Variants in SMIM10L3 observed in about 807,000 individuals in gnomAD.
SMIM10L3 encodes the protein small integral membrane protein 10 like 3.
At chr7:6,348,783 C>T in the SMIM10L3 span, 2 of 397,388 alleles carry the variant, frequency 5.0e-6, no homozygotes, top group Admixed American at 4.4e-5. Flanking sequence ...TCCCACAGCC[C>T]CCCCGCCCGC....
the SMIM10L3 span, among the ~76,000 whole-genome samples, chr7:6,343,291 C>A: frequency 6.7e-6 from 1 of 150,202 alleles, no homozygotes; most frequent in African/African-American, 2.4e-5. Flanking sequence ...GCAGGAGAAT[C>A]GCTTGAACCT....
At chr7:6,339,772 T>C in the SMIM10L3 span, among the ~76,000 whole-genome samples, 2 of 150,356 alleles carry the variant, frequency 1.3e-5, no homozygotes, top group African/African-American at 4.9e-5. Context: ...TGCCCAGCCG[T>C]ACCCCTCTCT....
the SMIM10L3 span, among the ~76,000 whole-genome samples, chr7:6,335,540 T>C: frequency 7.0e-6 from 1 of 142,954 alleles, no homozygotes; most frequent in African/African-American, 2.7e-5. Flanking sequence ...GCCGTTAATA[T>C]GTGAGAAAAT....
At chr7:6,333,477 G>A in the SMIM10L3 span, among the ~76,000 whole-genome samples, 1 of 152,066 alleles carries the variant, frequency 6.6e-6, no homozygotes, top group Non-Finnish European at 1.5e-5. Flanking sequence ...TCATAAGGAG[G>A]GACAGACTAA....
chr7:6,335,869 T>C, the SMIM10L3 span, among the ~76,000 whole-genome samples: 6 of 151,534 alleles, frequency 4.0e-5, no homozygotes, highest in African/African-American at 1.5e-4. Context: ...ACCCTGTCTC[T>C]ACAAAAAAAT....
At chr7:6,337,337 G>C in the SMIM10L3 span, among the ~76,000 whole-genome samples, 5 of 151,990 alleles carry the variant, frequency 3.3e-5, no homozygotes, top group African/African-American at 1.2e-4. Flanking sequence ...GGCCAGGCTG[G>C]TCTCTAACTC....
chr7:6,341,459 AATT>A, the SMIM10L3 span, among the ~76,000 whole-genome samples: 13 of 142,438 alleles, frequency 9.1e-5, no homozygotes, highest in African/African-American at 2.9e-4. Context: ...TAATAATAAT[AATT>A]ATTATTATTA....
At chr7:6,336,682 CAAAA>C in the SMIM10L3 span, among the ~76,000 whole-genome samples, 2 of 122,946 alleles carry the variant, frequency 1.6e-5, no homozygotes, top group Non-Finnish European at 1.8e-5. Flanking sequence ...AGACTTTGTC[CAAAA>C]AAAAAAAAAA....
chr7:6,333,580 C>G, the SMIM10L3 span, among the ~76,000 whole-genome samples: 3 of 151,776 alleles, frequency 2.0e-5, no homozygotes, highest in African/African-American at 7.3e-5. Context: ...CTCACTGCAG[C>G]CTGTAACTTC....
chr7:6,337,716 T>C, the SMIM10L3 span, among the ~76,000 whole-genome samples: 5 of 151,774 alleles, frequency 3.3e-5, no homozygotes, highest in African/African-American at 1.2e-4. Flanking sequence ...ATAGAATAAA[T>C]TGTCCCCTGA....
the SMIM10L3 span, among the ~76,000 whole-genome samples, chr7:6,333,175 AAAAAAAC>A: frequency 1.3e-5 from 2 of 151,882 alleles, no homozygotes; most frequent in African/African-American, 4.8e-5. Flanking sequence ...AATCAAAAAA[AAAAAAAC>A]AAAAAACAAA....
chr7:6,341,207 G>A, the SMIM10L3 span, among the ~76,000 whole-genome samples: 3 of 150,348 alleles, frequency 2.0e-5, no homozygotes, highest in African/African-American at 7.3e-5. Context: ...CACTTTGGGA[G>A]GCCAAGGAGG....
the SMIM10L3 span, among the ~76,000 whole-genome samples, chr7:6,339,277 G>A: frequency 6.6e-6 from 1 of 151,946 alleles, no homozygotes; most frequent in South Asian, 2.1e-4. Context: ...AGACCAGCCT[G>A]AGCAACACAG....
At chr7:6,330,897 C>G in the SMIM10L3 span, 87 of 1,614,088 alleles carry the variant, frequency 5.4e-5, 1 homozygote, top group Admixed American at 6.7e-5. Flanking sequence ...CTGATTCTCT[C>G]ACATATGGAA....
chr7:6,331,524 G>C, the SMIM10L3 span, among the ~76,000 whole-genome samples: 2 of 151,818 alleles, frequency 1.3e-5, no homozygotes, highest in African/African-American at 4.8e-5. Context: ...TGGGCGACCA[G>C]TTGCATGCCA....
chr7:6,334,852 T>A, the SMIM10L3 span, among the ~76,000 whole-genome samples: 1 of 151,270 alleles, frequency 6.6e-6, no homozygotes, highest in Admixed American at 6.6e-5. Context: ...CACTGCAACC[T>A]CCACCTCCTG....
the SMIM10L3 span, among the ~76,000 whole-genome samples, chr7:6,342,554 C>T: frequency 1.3e-5 from 2 of 151,974 alleles, no homozygotes; most frequent in South Asian, 4.1e-4. Context: ...AAAAAGTGAT[C>T]TTTTTGAAAT....
At chr7:6,347,361 C>G in the SMIM10L3 span, among the ~76,000 whole-genome samples, 1 of 151,796 alleles carries the variant, frequency 6.6e-6, no homozygotes, top group Non-Finnish European at 1.5e-5. Flanking sequence ...CTTAAAAATA[C>G]AAAAATTAGC....
the SMIM10L3 span, among the ~76,000 whole-genome samples, chr7:6,339,481 CCTTT>C: frequency 2.0e-5 from 3 of 151,900 alleles, no homozygotes; most frequent in East Asian, 1.9e-4. Context: ...GCTGTGTACC[CCTTT>C]TTTTGTTTTT....
Sources: allele counts gnomAD v4.1 joint callset (sites outside exome capture counted in the v4.1 genomes callset), GRCh38; gene constraint gnomAD v4.1.1; transcripts MANE v1.5; gene names NCBI Gene and HGNC (gene_info 2026-07-23, HGNC 2026-07-21).